The following APPL2 variants were observed in gnomAD, a reference collection of about 807,000 sequenced individuals.
APPL2 encodes the protein adaptor protein, phosphotyrosine interacting with PH domain and leucine zipper 2.
In APPL2, 84 loss-of-function variants were observed where a neutral mutation model predicts 92.7. The observed-to-expected ratio is 0.91, with a 90% CI of 0.76 to 1.09. The LOEUF (loss-of-function observed/expected upper bound fraction) is 1.09, where lower values mean the gene tolerates loss of function less well. Ranked by LOEUF, APPL2 falls within the 50% of genes least tolerant of loss-of-function variation. The pLI is 0.00. For missense variants in APPL2, 736 were observed against 824.5 expected (o/e 0.89, Z 1.31); for synonymous variants, 291 against 291.0 (o/e 1.00, Z 0.00).
chr12:105,229,951 T>G (rs987989942), intron 1 of APPL2: 5 of 167,130 alleles, frequency 3.0e-5, no homozygotes, highest in Admixed American at 2.0e-4. Context: ...GCTAATTTTT[T>G]GTATTTTTAG....
intron 17 of APPL2, among the ~76,000 whole-genome samples, chr12:105,182,230 T>C (rs1287714484): frequency 1.3e-5 from 2 of 152,250 alleles, no homozygotes; most frequent in Non-Finnish European, 2.9e-5. Flanking sequence ...GGTTTCATCA[T>C]GTTGGCCAGG....
intron 17 of APPL2, among the ~76,000 whole-genome samples, chr12:105,178,427 G>A (rs1885765252): frequency 6.6e-6 from 1 of 152,116 alleles, no homozygotes; most frequent in Non-Finnish European, 1.5e-5. Flanking sequence ...TCTTTCTGAG[G>A]TGATGAAAAT....
intron 2 of APPL2, among the ~76,000 whole-genome samples, chr12:105,220,751 C>T (rs1890036348): frequency 6.6e-6 from 1 of 152,214 alleles, no homozygotes; most frequent in African/African-American, 2.4e-5. Flanking sequence ...CAGCATCAGG[C>T]TGTACCCAAA....
chr12:105,195,326 CT>C lies in APPL2; in HGVS notation c.1175del (p.Gln392ArgfsTer7), dbSNP rs764876603. 6.2e-7 allele frequency: 1 copy of C among 1,614,130 alleles called. No homozygotes were observed. The highest frequency in any genetic ancestry group is 8.5e-7 in the Non-Finnish European group (1 of 1,180,020). The part of the protein sequence containing the change: ...NPEAVAIKLN[Q>X]TALQAVTPIT... ...TGGGAGTCACTGCTTGCAGAGCGGT[CT>C]GATTCAACTTGATCGCGACTGCCTA... On this transcript the variant is annotated frameshift_variant, in exon 14 of 21. Transcript: ENST00000258530. LOFTEE classifies it high-confidence loss of function.
chr12:105,234,508 A>G (rs192389739), intron 1 of APPL2, among the ~76,000 whole-genome samples: 52 of 152,366 alleles, frequency 3.4e-4, no homozygotes, highest in African/African-American at 1.2e-3. Context: ...TTAGAGCTGG[A>G]AATTAAGAAT....
At chr12:105,186,627 C>CATATATATATCAT (rs369194401) in intron 17 of APPL2, among the ~76,000 whole-genome samples, 3 of 100,262 alleles carry the variant, frequency 3.0e-5, no homozygotes, top group East Asian at 5.1e-4. Flanking sequence ...ATATATATAT[C>CATATATATATCAT]ATATATATCA....
At chr12:105,221,944 A>T (rs2136064264) in intron 2 of APPL2, among the ~76,000 whole-genome samples, 1 of 152,396 alleles carries the variant, frequency 6.6e-6, no homozygotes, top group Non-Finnish European at 1.5e-5. Context: ...GCGCAGCAGC[A>T]TCCACGGTGA....
rs191021426 is a variant in APPL2 at position 105,174,230 on chromosome 12, A to T, written c.*84T>A. ...ATTGTCAGCCTTCGGAAATCAGGTC[A>T]GTGTGCCTGTATGTCAGAGACGTTA... On this transcript the variant is annotated 3_prime_UTR_variant, in exon 21 of 21. Coordinates refer to ENST00000258530, the MANE Select transcript of APPL2 (RefSeq NM_018171.5). 1 of 1,492,538 alleles carries T rather than the reference A, an allele frequency of 6.7e-7. No individual in the cohort carries two copies. Among genetic ancestry groups the T allele is most frequent in the East Asian group, 2.4e-5 (1 of 42,110 alleles). 92.5% of individuals were successfully genotyped at this position (1,492,538 alleles called of 1,614,324 possible). A position where few individuals can be genotyped will look rare whatever the true frequency, so the allele number is the denominator to read the frequency against.
chr12:105,174,730 T>G (rs1483421818), intron 20 of APPL2, among the ~76,000 whole-genome samples: 5 of 152,250 alleles, frequency 3.3e-5, no homozygotes, highest in African/African-American at 4.8e-5. Flanking sequence ...TTGTCTTCTC[T>G]ATCTTTAAAC....
chr12:105,195,743 T>A, intron 11 of APPL2, 116 bp from the exon 12 acceptor site: 1 of 1,150,242 alleles, frequency 8.7e-7, no homozygotes, highest in South Asian at 1.3e-5. Context: ...GAAGGCAGCA[T>A]GATGAGAGGG....
At chr12:105,178,167 A>G (rs534055595) in intron 17 of APPL2, among the ~76,000 whole-genome samples, 7 of 152,308 alleles carry the variant, frequency 4.6e-5, no homozygotes, top group African/African-American at 1.7e-4. Flanking sequence ...AATAAACTAT[A>G]TGAGAGAATT....
chr12:105,175,442 A>C (rs1885437769), intron 20 of APPL2, among the ~76,000 whole-genome samples: 1 of 152,226 alleles, frequency 6.6e-6, no homozygotes, highest in Non-Finnish European at 1.5e-5. Flanking sequence ...CCAGTTCCTC[A>C]GTCACACTTG....
At chr12:105,217,027 C>A in intron 4 of APPL2, 42 bp downstream of exon 4, 1 of 1,417,416 alleles carries the variant, frequency 7.1e-7, no homozygotes, top group South Asian at 1.2e-5. Context: ...AAAGAAAGTT[C>A]GAGAAAGAAT....
Position 105,220,212 on chromosome 12 carries a change from A to G in APPL2, c.154-2487T>C, listed in dbSNP as rs76832203. On this transcript the variant is annotated intron_variant, in intron 2 of 20. Transcript: ENST00000258530. ...AAGTTCTACCACAAGGCAGGAGAGGAGAAGGCCTCTGCTTTACACTAGGGT... is the reference window on the plus strand; with the variant it reads ...AAGTTCTACCACAAGGCAGGAGAGGGGAAGGCCTCTGCTTTACACTAGGGT... Among the ~76,000 whole-genome samples, 3 of 152,316 alleles carry G rather than the reference A, an allele frequency of 2.0e-5. No homozygotes were observed. In the East Asian group the frequency reaches 5.8e-4, roughly 29 times the overall value.
intron 2 of APPL2, among the ~76,000 whole-genome samples, 167 bp downstream of exon 2, chr12:105,228,958 T>C (rs1156736021): frequency 6.6e-6 from 1 of 152,222 alleles, no homozygotes; most frequent in African/African-American, 2.4e-5. Flanking sequence ...GAGAACAGAC[T>C]GTCCTTAGGT....
At chr12:105,199,205 C>A (rs1887923471) in intron 10 of APPL2, 168 bp downstream of exon 10, 1 of 758,764 alleles carries the variant, frequency 1.3e-6, no homozygotes, top group Non-Finnish European at 2.1e-6. Flanking sequence ...GGCGCCTGGG[C>A]CCCAGAGGTT....
chr12:105,174,388 C>T lies in APPL2; in HGVS notation c.1921G>A (p.Val641Ile). 3 of 1,613,988 alleles carry T rather than the reference C, an allele frequency of 1.9e-6. No homozygotes were observed. Residue 641 changes from valine to isoleucine, a missense_variant, in exon 21 of 21, where the codon GTA becomes ATA. Coordinates refer to ENST00000258530, the MANE Select transcript of APPL2 (RefSeq NM_018171.5). Reference protein sequence around the residue: ...SIPLTNDGKYVLLNDQPDDDD... With the variant: ...SIPLTNDGKYILLNDQPDDDD... Reference sequence around the variant, plus strand: ...TCATCTGGTTGATCGTTTAACAGTACATATTTTCCGTCATTGGTTAGTGGT... The same window carrying T: ...TCATCTGGTTGATCGTTTAACAGTATATATTTTCCGTCATTGGTTAGTGGT...
intron 14 of APPL2, among the ~76,000 whole-genome samples, chr12:105,193,182 T>A (rs1046247170): frequency 1.4e-4 from 21 of 152,202 alleles, no homozygotes; most frequent in African/African-American, 5.1e-4. Context: ...AGAATGTGAC[T>A]TGCTTATTCT....
intron 5 of APPL2, 58 bp downstream of exon 5, chr12:105,211,172 T>A: frequency 8.5e-7 from 1 of 1,181,810 alleles, no homozygotes; most frequent in South Asian, 1.3e-5. Context: ...TAAGAATTAT[T>A]ATGAAATGCA....
Sources: allele counts gnomAD v4.1 joint callset (sites outside exome capture counted in the v4.1 genomes callset), GRCh38; gene constraint gnomAD v4.1.1; transcripts MANE v1.5; gene names NCBI Gene and HGNC (gene_info 2026-07-23, HGNC 2026-07-21).